Variants in CYP1A2 observed in about 807,000 individuals in gnomAD.
CYP1A2 encodes cytochrome P450 family 1 subfamily A member 2, also known as cytochrome P450 1A2.
A neutral mutation model predicts 34.7 loss-of-function variants in CYP1A2; 35 were observed. That is an observed-to-expected ratio of 1.01 (90% CI 0.77 to 1.34). The LOEUF is 1.34. Ranked by LOEUF, CYP1A2 falls within the 40% of genes most tolerant of loss-of-function variation. The pLI is 0.00. For synonymous variants in CYP1A2, 288 were observed against 281.9 expected, an observed-to-expected ratio of 1.02 and a Z score of -0.22; for missense variants, 675 against 675.8, an observed-to-expected ratio of 1.00 and a Z score of 0.01.
chr15:74,753,632 G>A (rs2063326035), intron 6 of CYP1A2, among the ~76,000 whole-genome samples: 1 of 151,962 alleles, frequency 6.6e-6, no homozygotes, highest in Non-Finnish European at 1.5e-5. Flanking sequence ...TACTCCAGAG[G>A]CTGAGGCAGG....
In CYP1A2 at chr15:74,756,452, A is replaced by G. The variant is rs891369215; in HGVS notation, c.*1364A>G. Reference sequence around the variant, plus strand: ...ATTTTAGAACATTTTCATCACCCCTAAAAGAAACCCTGCACCCATTAGCAG... The same window carrying G: ...ATTTTAGAACATTTTCATCACCCCTGAAAGAAACCCTGCACCCATTAGCAG... On this transcript the variant is annotated 3_prime_UTR_variant, in exon 7 of 7. Coordinates refer to ENST00000343932, the MANE Select transcript of CYP1A2 (RefSeq NM_000761.5). Among the ~76,000 whole-genome samples the G allele has an allele frequency of 3.3e-5, 5 of 151,880 alleles. No homozygotes were observed. Among genetic ancestry groups the G allele is most frequent in the Non-Finnish European group, 5.9e-5 (4 of 67,940 alleles).
chr15:74,754,156 A>C (rs192578160), intron 6 of CYP1A2, among the ~76,000 whole-genome samples: 1 of 152,254 alleles, frequency 6.6e-6, no homozygotes, highest in Admixed American at 6.5e-5. Flanking sequence ...TTCCTGCCTC[A>C]GCCTCCCAAA....
intron 2 of CYP1A2, 57 bp from the exon 3 acceptor site, chr15:74,751,132 C>A: frequency 6.2e-7 from 1 of 1,602,928 alleles, no homozygotes; most frequent in African/African-American, 1.3e-5. Context: ...AGTGGAGCAA[C>A]GTTCAGCCTT....
rs750931037 is a variant in CYP1A2, at chr15:74,754,871, G to A, written c.1334G>A (p.Ser445Asn). 1.4e-5 allele frequency: 22 copies of A among 1,614,128 alleles called. No homozygotes were observed. Among genetic ancestry groups the A allele is most frequent in the Middle Eastern group, 3.3e-4 (2 of 6,084 alleles). ...GGCACTGCCATTAACAAGCCCTTGAGTGAGAAGATGATGCTGTTTGGCATG... is the reference window on the plus strand; with the variant it reads ...GGCACTGCCATTAACAAGCCCTTGAATGAGAAGATGATGCTGTTTGGCATG... ...ADGTAINKPL[S>N]EKMMLFGMGK... The change falls in exon 7 of 7, where the codon AGT (serine) becomes AAT (asparagine). Residue 445 changes from serine to asparagine, a missense_variant. Ser to Asn is a conservative substitution (Grantham distance 46). Coordinates refer to ENST00000343932, the MANE Select transcript of CYP1A2 (RefSeq NM_000761.5).
Position 74,755,198 on chromosome 15 carries a change from G to T in CYP1A2, c.*110G>T. 1.6e-6 allele frequency: 2 copies of T among 1,245,248 alleles called. No individual in the cohort carries two copies. The highest frequency in any genetic ancestry group is 1.5e-5 in the South Asian group (1 of 66,136). 77.1% of individuals were successfully genotyped at this position (1,245,248 alleles called of 1,614,324 possible). A position where few individuals can be genotyped will look rare whatever the true frequency, so the allele number is the denominator to read the frequency against. On this transcript the variant is annotated 3_prime_UTR_variant, in exon 7 of 7. Transcript: ENST00000343932. ...TAAAAAATAGCAGCTTTAGCCAAGT[G>T]CAGGGCCTGTAATCCCAGCATTTTA... is the stretch of plus-strand genomic sequence containing the variant.
Position 74,753,269 on chromosome 15 carries a change from C to G in CYP1A2, c.1252C>G (p.Pro418Ala), listed in dbSNP as rs1288583289. 2 of 1,613,290 alleles carry G rather than the reference C, an allele frequency of 1.2e-6. No homozygotes were observed. The highest frequency in any genetic ancestry group is 1.7e-6 in the Non-Finnish European group (2 of 1,179,474). Residue 418 changes from proline to alanine, a missense_variant and splice_region_variant, in exon 6 of 7, where the codon CCA (proline) becomes GCA (alanine). By Grantham distance (27) the Pro-to-Ala change is conservative. Coordinates refer to ENST00000343932, the MANE Select transcript of CYP1A2 (RefSeq NM_000761.5). ...FVNQWQVNHD[P>A]ELWEDPSEFR... ...AAACCAGTGGCAGGTCAACCATGAC[C>G]CGTGAGTACATACCCCTCACGAAAA...
intron 6 of CYP1A2, among the ~76,000 whole-genome samples, chr15:74,754,104 A>G (rs1191129632): frequency 1.3e-5 from 2 of 152,048 alleles, no homozygotes; most frequent in Non-Finnish European, 2.9e-5. Flanking sequence ...AGGTCTTCCT[A>G]TGTGGTCCAG....
rs1038912692 is a variant in CYP1A2, at chr15:74,750,166, C to A, written c.428C>A (p.Ala143Asp). The A allele has an allele frequency of 6.2e-7, 1 of 1,614,008 alleles. No individual in the cohort carries two copies. The highest frequency in any genetic ancestry group is 1.3e-5 in the African/African-American group (1 of 74,924). The change falls in exon 2 of 7, where the codon GCC (alanine) becomes GAC (aspartate). Residue 143 changes from alanine (A) to aspartate (D), a missense_variant. Coordinates refer to ENST00000343932, the MANE Select transcript of CYP1A2 (RefSeq NM_000761.5). ...WAARRRLAQN[A>D]LNTFSIASDP... ...GCCCGCCGGCGCCTGGCCCAGAATGCCCTCAACACCTTCTCCATCGCCTCT... is the reference window on the plus strand; with the variant it reads ...GCCCGCCGGCGCCTGGCCCAGAATGACCTCAACACCTTCTCCATCGCCTCT...
In CYP1A2 at chr15:74,755,284, G is replaced by C; in HGVS notation, c.*196G>C. The C allele has an allele frequency of 1.7e-6, 1 of 596,940 alleles. No individual in the cohort carries two copies. The highest frequency in any genetic ancestry group is 2.7e-6 in the Non-Finnish European group (1 of 364,138). The allele number at this position is 596,940 out of a possible 1,614,324, so 37.0% of individuals were successfully genotyped here. A position where few individuals can be genotyped will look rare whatever the true frequency, so the allele number is the denominator to read the frequency against. Reference sequence around the variant, plus strand: ...ATTGGAAAGCAGCCTGGCCAACATAGTGGGACCCTGTCTCTACAAAAAAAA... The same window carrying C: ...ATTGGAAAGCAGCCTGGCCAACATACTGGGACCCTGTCTCTACAAAAAAAA... On this transcript the variant is annotated 3_prime_UTR_variant, in exon 7 of 7. Transcript: ENST00000343932.
rs1201701676 is a variant in CYP1A2 at position 74,751,834 on chromosome 15, G to T, written c.1022G>T (p.Arg341Met). 10 of 1,613,994 alleles carry T rather than the reference G, an allele frequency of 6.2e-6. No homozygotes were observed. Among genetic ancestry groups the T allele is most frequent in the Non-Finnish European group, 2.5e-6 (3 of 1,180,016 alleles). Residue 341 changes from arginine to methionine, a missense_variant, in exon 4 of 7, where the codon AGG (arginine) becomes ATG (methionine). Arg to Met is a moderately conservative substitution (Grantham distance 91, BLOSUM62 -1). Coordinates refer to ENST00000343932, the MANE Select transcript of CYP1A2 (RefSeq NM_000761.5). ...CTTGTGACCAAGCCTGAGATACAGAGGAAGATCCAGAAGGAGCTGGGTACA... is the reference window on the plus strand; with the variant it reads ...CTTGTGACCAAGCCTGAGATACAGATGAAGATCCAGAAGGAGCTGGGTACA... ...MYLVTKPEIQRKIQKELDTVI... is the reference protein window; with the variant it reads ...MYLVTKPEIQMKIQKELDTVI...
chr15:74,751,969 G>T, intron 4 of CYP1A2, 115 bp downstream of exon 4: 1 of 1,497,818 alleles, frequency 6.7e-7, no homozygotes, highest in Non-Finnish European at 9.1e-7. Flanking sequence ...GCACACAGTA[G>T]TGCCTGCCCT....
At position 74,754,897 on chromosome 15, in the gene CYP1A2, G is replaced by A. The variant is rs746882435; in HGVS notation, c.1360G>A (p.Gly454Ser). The change falls in exon 7 of 7, where the codon GGC becomes AGC. Residue 454 changes from glycine (G) to serine (S), a missense_variant. By Grantham distance (56) the Gly-to-Ser change is moderately conservative. Coordinates refer to ENST00000343932, the MANE Select transcript of CYP1A2 (RefSeq NM_000761.5). ...TGAGAAGATGATGCTGTTTGGCATG[G>A]GCAAGCGCCGGTGTATCGGGGAAGT... ...LSEKMMLFGM[G>S]KRRCIGEVLA... is the part of the protein sequence containing the mutation. 1.9e-6 allele frequency: 3 copies of A among 1,614,210 alleles called. No individual in the cohort carries two copies. Among genetic ancestry groups the A allele is most frequent in the Non-Finnish European group, 2.5e-6 (3 of 1,180,042 alleles).
chr15:74,753,068 C>T, intron 5 of CYP1A2, 116 bp from the exon 6 acceptor site: 1 of 688,514 alleles, frequency 1.5e-6, no homozygotes, highest in Non-Finnish European at 2.5e-6. Flanking sequence ...CCCCTCCCCT[C>T]CCAGTGTAGG....
Position 74,754,917 on chromosome 15 carries a change from G to C in CYP1A2, c.1380G>C (p.Gly460=), listed in dbSNP as rs774412529. The C allele has an allele frequency of 1.2e-6, 2 of 1,614,240 alleles. No individual in the cohort carries two copies. The highest frequency in any genetic ancestry group is 2.2e-5 in the South Asian group (2 of 91,092). ...GCATGGGCAAGCGCCGGTGTATCGG[G>C]GAAGTCCTGGCCAAGTGGGAGATCT... ...LFGMGKRRCI[G]EVLAKWEIFL... is the part of the protein sequence containing the mutation. Residue 460 remains glycine, a synonymous_variant, in exon 7 of 7, where the codon GGG becomes GGC. Coordinates refer to ENST00000343932, the MANE Select transcript of CYP1A2 (RefSeq NM_000761.5).
rs529617439 is a variant in CYP1A2, at chr15:74,752,380, C to T, written c.1166+133C>T. 1.6e-5 allele frequency: 21 copies of T among 1,282,248 alleles called. No individual in the cohort carries two copies. In the South Asian group the frequency reaches 2.6e-4, roughly 16 times the overall value. 79.4% of individuals were successfully genotyped at this position (1,282,248 alleles called of 1,614,324 possible). A position where few individuals can be genotyped will look rare whatever the true frequency, so the allele number is the denominator to read the frequency against. ...CCCCACAGATCCCGGCCTCAGTCTG[C>T]CCCCATCCAGTCCAAACATAATCTA... On this transcript the variant is annotated intron_variant, in intron 5 of 6. Transcript: ENST00000343932.
At chr15:74,749,586 T>C (rs41279192) in intron 1 of CYP1A2, 144 bp from the exon 2 acceptor site, 7 of 666,348 alleles carry the variant, frequency 1.1e-5, no homozygotes, top group Non-Finnish European at 1.5e-5. Flanking sequence ...CCAGGACGCA[T>C]GGTAGATGGA....
rs2063335442 is a variant in CYP1A2 at position 74,755,683 on chromosome 15, A to G, written c.*595A>G. 1 of 152,132 alleles carries G rather than the reference A, an allele frequency of 6.6e-6. No homozygotes were observed. Among genetic ancestry groups the G allele is most frequent in the African/African-American group, 2.4e-5 (1 of 41,390 alleles). The allele number at this position is 152,132 out of a possible 1,614,324, so 9.4% of individuals were successfully genotyped here. A position where few individuals can be genotyped will look rare whatever the true frequency, so the allele number is the denominator to read the frequency against. Reference sequence around the variant, plus strand: ...GGCTTGTCTCGAACTCCTGACCCCAAGTTATCCACCTGCCTTGGCTTCCCA... The same window carrying G: ...GGCTTGTCTCGAACTCCTGACCCCAGGTTATCCACCTGCCTTGGCTTCCCA... On this transcript the variant is annotated 3_prime_UTR_variant, in exon 7 of 7. Coordinates refer to ENST00000343932, the MANE Select transcript of CYP1A2 (RefSeq NM_000761.5).
chr15:74,753,737 A>C (rs2063326474), intron 6 of CYP1A2, among the ~76,000 whole-genome samples: 1 of 151,122 alleles, frequency 6.6e-6, no homozygotes, highest in Non-Finnish European at 1.5e-5. Flanking sequence ...CTGCCTCAAA[A>C]AAAAAAAAAA....
intron 1 of CYP1A2, among the ~76,000 whole-genome samples, 162 bp from the exon 2 acceptor site, chr15:74,749,568 C>T (rs1228496688): frequency 3.9e-5 from 6 of 152,184 alleles, no homozygotes; most frequent in Admixed American, 2.6e-4. Flanking sequence ...AGGGTGAGCT[C>T]TGTGGGCCCA....
Sources: gnomAD v4.1 joint callset for allele counts (sites outside exome capture counted in the v4.1 genomes callset) on GRCh38, gnomAD v4.1.1 for gene constraint, MANE v1.5 for transcripts, NCBI Gene and HGNC (gene_info 2026-07-23, HGNC 2026-07-21) for gene names.